AGAP1: variants seen among roughly 807,000 people sequenced by gnomAD.
AGAP1 encodes ArfGAP with GTPase domain, ankyrin repeat and PH domain 1.
AGAP1 carries 29 observed loss-of-function variants against 105.3 expected under a neutral mutation model. The observed-to-expected ratio is 0.28, with a 90% CI of 0.21 to 0.38. The LOEUF (loss-of-function observed/expected upper bound fraction) is 0.38, where lower values mean the gene tolerates loss of function less well. Ranked by LOEUF, AGAP1 falls within the 10% of genes least tolerant of loss-of-function variation. The probability of loss-of-function intolerance (pLI) is 1.00; values close to 1 mark genes in which losing one functional copy is unlikely to be tolerated. For synonymous variants in AGAP1, 509 were observed against 485.9 expected (o/e 1.05, Z -0.63); for missense variants, 998 against 1,165.1 (o/e 0.86, Z 2.09).
At position 235,721,704 on chromosome 2, in the gene AGAP1, T is replaced by C. The variant is rs193160865; in HGVS notation, c.310+4060T>C. ...GTCTGTGCGGTTCTGATTTAATTAG[T>C]GTGTGCATATCCTTTATATTCTAAT... is the stretch of plus-strand genomic sequence containing the variant. On this transcript the variant is annotated intron_variant, in intron 3 of 17. Transcript: ENST00000304032. The surrounding 1 kb of genome is among the most constrained non-coding windows in gnomAD (Gnocchi z 4.5). Among the ~76,000 whole-genome samples the C allele has an allele frequency of 9.2e-5, 14 of 152,298 alleles. No individual in the cohort carries two copies. In the East Asian group the frequency reaches 2.7e-3, roughly 29 times the overall value.
At position 235,847,700 on chromosome 2, in the gene AGAP1, GGC is replaced by G. The variant is rs1434283652; in HGVS notation, c.1051-35642_1051-35641del. 9.8e-5 allele frequency among the ~76,000 whole-genome samples: 15 copies of G among 152,306 alleles called. No homozygotes were observed. The East Asian group carries it at 2.9e-3, about 30-fold the overall frequency. Reference sequence around the variant, plus strand: ...AGTACCGTCTGTAGATCCTGAAACGGGCGCCTTTCTGTGCTTGTTTGCCACGA... The same window carrying G: ...AGTACCGTCTGTAGATCCTGAAACGGGCCTTTCTGTGCTTGTTTGCCACGA... On this transcript the variant is annotated intron_variant, in intron 9 of 17. Coordinates refer to ENST00000304032, the MANE Select transcript of AGAP1 (RefSeq NM_001037131.3).
intron 1 of AGAP1, among the ~76,000 whole-genome samples, chr2:235,591,957 A>T (rs992264821): frequency 1.3e-5 from 2 of 151,802 alleles, no homozygotes; most frequent in Non-Finnish European, 2.9e-5. Context: ...CCTTAGCAAG[A>T]GCAGATGCTG....
intron 1 of AGAP1, among the ~76,000 whole-genome samples, chr2:235,650,327 A>C (rs1947540453): frequency 6.6e-6 from 1 of 152,138 alleles, no homozygotes; most frequent in South Asian, 2.1e-4. Context: ...GTGCCACTGC[A>C]CTCCAGCCTG....
In AGAP1 at chr2:235,538,427, A is replaced by ATGTGTGTGTGTGTGTGTGTGTGTG. The variant is rs57515821; in HGVS notation, c.163+43589_163+43612dup. Among the ~76,000 whole-genome samples, 440 of 135,404 alleles carry ATGTGTGTGTGTGTGTGTGTGTGTG rather than the reference A, an allele frequency of 3.2e-3. 9 individuals are homozygous for ATGTGTGTGTGTGTGTGTGTGTGTG. Among genetic ancestry groups the ATGTGTGTGTGTGTGTGTGTGTGTG allele is most frequent in the African/African-American group, 7.1e-3 (255 of 35,766 alleles). The allele number at this position is 135,404 out of a possible 152,430, so 88.8% of individuals were successfully genotyped here. On this transcript the variant is annotated intron_variant, in intron 1 of 17. Coordinates refer to ENST00000304032, the MANE Select transcript of AGAP1 (RefSeq NM_001037131.3). ...CTCTGGAGGAAGAACCTCAGCCACTATGTGTGTGTGTGTGTGTGTGTGTGT... is the reference window on the plus strand; with the variant it reads ...CTCTGGAGGAAGAACCTCAGCCACTATGTGTGTGTGTGTGTGTGTGTGTGTGTGTGTGTGTGTGTGTGTGTGTGT...
Position 235,700,962 on chromosome 2 carries a change from TTATGTATATATTATA to T in AGAP1, c.164-8197_164-8183del, listed in dbSNP as rs555125885. Among the ~76,000 whole-genome samples the T allele has an allele frequency of 1.7e-4, 25 of 147,036 alleles. No individual in the cohort carries two copies. The highest frequency in any genetic ancestry group is 1.4e-3 in the Admixed American group (20 of 14,356). ...ATATTTGTAATATATATATTATGTA[TTATGTATATATTATA>T]TATGTATATATTATATATGCTATAA... On this transcript the variant is annotated intron_variant, in intron 1 of 17. Transcript: ENST00000304032. The surrounding 1 kb of genome is among the most constrained non-coding windows in gnomAD (Gnocchi z 6.1).
intron 16 of AGAP1, among the ~76,000 whole-genome samples, chr2:236,094,315 A>T (rs2059138201): frequency 6.6e-6 from 1 of 151,864 alleles, no homozygotes; most frequent in African/African-American, 2.4e-5. Flanking sequence ...AATTGCAAAT[A>T]CGATGGGTCA....
At chr2:235,881,200 C>T (rs1229347152) in intron 9 of AGAP1, among the ~76,000 whole-genome samples, 2 of 152,112 alleles carry the variant, frequency 1.3e-5, no homozygotes, top group Non-Finnish European at 2.9e-5. Flanking sequence ...AAATAAAAAA[C>T]AGTATTGTCA....
chr2:235,930,683 G>T lies in AGAP1; in HGVS notation c.1325-82G>T, dbSNP rs563047278. ...GTGGTAAGGTGCACTATGTGCCAGC[G>T]TGTGGGTCCCATAGACTAACTCGCG... On this transcript the variant is annotated intron_variant, in intron 11 of 17. Transcript: ENST00000304032. The surrounding 1 kb of genome is among the most constrained non-coding windows in gnomAD (Gnocchi z 7.9). 2 of 1,432,754 alleles carry T rather than the reference G, an allele frequency of 1.4e-6. No homozygotes were observed. The highest frequency in any genetic ancestry group is 1.9e-5 in the Admixed American group (1 of 53,366). The allele number at this position is 1,432,754 out of a possible 1,614,324, so 88.8% of individuals were successfully genotyped here.
chr2:235,699,707 G>A (rs1950162950), intron 1 of AGAP1, among the ~76,000 whole-genome samples: 1 of 152,208 alleles, frequency 6.6e-6, no homozygotes, highest in African/African-American at 2.4e-5. Context: ...CCATAGGATG[G>A]GCAGGCCATT....
intron 13 of AGAP1, among the ~76,000 whole-genome samples, chr2:235,999,401 AGGTGGT>A (rs751102461): frequency 7.6e-6 from 1 of 130,754 alleles, no homozygotes; most frequent in African/African-American, 3.0e-5. Flanking sequence ...TGATGGTGAG[AGGTGGT>A]GGTGGTGGTG....
At position 236,125,858 on chromosome 2, in the gene AGAP1, A is replaced by G. The variant is rs1297340092; in HGVS notation, c.*1736A>G. 1.3e-5 allele frequency: 2 copies of G among 152,206 alleles called. No individual in the cohort carries two copies. Among genetic ancestry groups the G allele is most frequent in the East Asian group, 1.9e-4 (1 of 5,198 alleles). 9.4% of individuals were successfully genotyped at this position (152,206 alleles called of 1,614,324 possible). ...AAAAGCAAACGGGGCAGCTTTGCCTAGAGCTCATTGACAGTGTGATGGGGG... is the reference window on the plus strand; with the variant it reads ...AAAAGCAAACGGGGCAGCTTTGCCTGGAGCTCATTGACAGTGTGATGGGGG... On this transcript the variant is annotated 3_prime_UTR_variant, in exon 18 of 18. Transcript: ENST00000304032. This position sits in a 1 kb window ranked among gnomAD's most constrained non-coding sequence, Gnocchi z 5.2.
chr2:235,639,394 G>A lies in AGAP1; in HGVS notation c.164-69785G>A, dbSNP rs780425039. ...GGTGTGGCCTGAGAAGTCGGCCTGC[G>A]ATAGAACCCGGGGAATCCCAGTGTT... On this transcript the variant is annotated intron_variant, in intron 1 of 17. Coordinates refer to ENST00000304032, the MANE Select transcript of AGAP1 (RefSeq NM_001037131.3). This position sits in a 1 kb window ranked among gnomAD's most constrained non-coding sequence, Gnocchi z 5.3. 2.0e-5 allele frequency among the ~76,000 whole-genome samples: 3 copies of A among 152,156 alleles called. No homozygotes were observed. Among genetic ancestry groups the A allele is most frequent in the Non-Finnish European group, 4.4e-5 (3 of 68,022 alleles).
At chr2:235,761,578 A>C (rs1196241686) in intron 6 of AGAP1, among the ~76,000 whole-genome samples, 2 of 152,148 alleles carry the variant, frequency 1.3e-5, no homozygotes, top group Non-Finnish European at 2.9e-5. Flanking sequence ...AATGCATACA[A>C]ATGGCTTTTA....
chr2:235,879,771 T>A lies in AGAP1; in HGVS notation c.1051-3574T>A, dbSNP rs1194303350. Reference sequence around the variant, plus strand: ...GATGAGACCCTGTCTCTACAAAAAATAAAATAAAAAATTAGACAGACATGG... The same window carrying A: ...GATGAGACCCTGTCTCTACAAAAAAAAAAATAAAAAATTAGACAGACATGG... On this transcript the variant is annotated intron_variant, in intron 9 of 17. Coordinates refer to ENST00000304032, the MANE Select transcript of AGAP1 (RefSeq NM_001037131.3). The surrounding 1 kb of genome is among the most constrained non-coding windows in gnomAD (Gnocchi z 5.0). 6.6e-6 allele frequency among the ~76,000 whole-genome samples: 1 copy of A among 151,744 alleles called. No individual in the cohort carries two copies. The highest frequency in any genetic ancestry group is 1.5e-5 in the Non-Finnish European group (1 of 67,952).
chr2:235,936,719 G>A lies in AGAP1; in HGVS notation c.1483+5796G>A, dbSNP rs935818408. On this transcript the variant is annotated intron_variant, in intron 12 of 17. Transcript: ENST00000304032. The surrounding 1 kb of genome is among the most constrained non-coding windows in gnomAD (Gnocchi z 4.7). ...TCTCTGACCTGGAAGCTTCTTTGAT[G>A]GGAGGGTATCAGTGAAGCGTGGTGG... Among the ~76,000 whole-genome samples the A allele has an allele frequency of 2.6e-5, 4 of 152,148 alleles. No individual in the cohort carries two copies. The highest frequency in any genetic ancestry group is 4.4e-5 in the Non-Finnish European group (3 of 68,026).
In AGAP1 at chr2:236,008,530, G is replaced by A. The variant is rs557913532; in HGVS notation, c.1646-28031G>A. 2.0e-5 allele frequency among the ~76,000 whole-genome samples: 3 copies of A among 152,330 alleles called. No individual in the cohort carries two copies. In the South Asian group the frequency reaches 6.2e-4, roughly 32 times the overall value. On this transcript the variant is annotated intron_variant, in intron 13 of 17. Coordinates refer to ENST00000304032, the MANE Select transcript of AGAP1 (RefSeq NM_001037131.3). ...CCTGTGAAAACTTAATACTCTTGGT[G>A]TTGTACTGAAATACCCAGTGGATTT... is the stretch of plus-strand genomic sequence containing the variant.
In AGAP1 at chr2:235,964,650, A is replaced by C. The variant is rs567662139; in HGVS notation, c.1484-3812A>C. Among the ~76,000 whole-genome samples, 8 of 152,306 alleles carry C rather than the reference A, an allele frequency of 5.3e-5. No individual in the cohort carries two copies. The South Asian group carries it at 1.7e-3, about 32-fold the overall frequency. On this transcript the variant is annotated intron_variant, in intron 12 of 17. Transcript: ENST00000304032. The surrounding 1 kb of genome is among the most constrained non-coding windows in gnomAD (Gnocchi z 4.6). ...TCTGAACACTGTTAAATCATAAATA[A>C]AAATTAATTAGGCTCGCCCTTTTTT...
In AGAP1 at chr2:235,690,536, A is replaced by G. The variant is rs1949688862; in HGVS notation, c.164-18643A>G. Among the ~76,000 whole-genome samples, 1 of 152,214 alleles carries G rather than the reference A, an allele frequency of 6.6e-6. No individual in the cohort carries two copies. The highest frequency in any genetic ancestry group is 2.4e-5 in the African/African-American group (1 of 41,460). ...AGCTTCCGGTAGAGGAGGCTGGCCAACTCAGACACCTAAGCAGCCACATCA... is the reference window on the plus strand; with the variant it reads ...AGCTTCCGGTAGAGGAGGCTGGCCAGCTCAGACACCTAAGCAGCCACATCA... On this transcript the variant is annotated intron_variant, in intron 1 of 17. Transcript: ENST00000304032. The surrounding 1 kb of genome is among the most constrained non-coding windows in gnomAD (Gnocchi z 4.1).
At position 235,882,391 on chromosome 2, in the gene AGAP1, T is replaced by C. The variant is rs896376625; in HGVS notation, c.1051-954T>C. 20 of 1,558,302 alleles carry C rather than the reference T, an allele frequency of 1.3e-5. No homozygotes were observed. Among genetic ancestry groups the C allele is most frequent in the Non-Finnish European group, 1.6e-5 (18 of 1,136,280 alleles). On this transcript the variant is annotated intron_variant, in intron 9 of 17. Coordinates refer to ENST00000304032, the MANE Select transcript of AGAP1 (RefSeq NM_001037131.3). The surrounding 1 kb of genome is among the most constrained non-coding windows in gnomAD (Gnocchi z 4.6). ...GAAATTTCACTCCGCTTCTGCCCAG[T>C]GGTCTCTTTGGTCGGCAGGGTGTTC...
Sources: allele counts gnomAD v4.1 joint callset (sites outside exome capture counted in the v4.1 genomes callset), GRCh38; gene constraint gnomAD v4.1.1; non-coding constraint Gnocchi (gnomAD v3.1); transcripts MANE v1.5; gene names NCBI Gene and HGNC (gene_info 2026-07-23, HGNC 2026-07-21).